Variants in SPAG16 observed in about 807,000 individuals in gnomAD.
The protein encoded by SPAG16 is sperm-associated antigen 16 protein.
SPAG16 carries 86 observed loss-of-function variants against 80.4 expected under a neutral mutation model. The observed-to-expected ratio is 1.07, with a 90% CI of 0.90 to 1.28. The LOEUF (loss-of-function observed/expected upper bound fraction) is 1.28. Ranked by LOEUF, SPAG16 falls within the 50% of genes most tolerant of loss-of-function variation. SPAG16 has a pLI of 0.00. For synonymous variants in SPAG16, 294 were observed against 265.9 expected (o/e 1.11, Z -1.03); for missense variants, 870 against 765.3 (o/e 1.14, Z -1.61).
chr2:213,409,830 T>TA (rs2068859307), intron 9 of SPAG16, among the ~76,000 whole-genome samples: 1 of 152,174 alleles, frequency 6.6e-6, no homozygotes, highest in South Asian at 2.1e-4. Flanking sequence ...CCAAGGACTA[T>TA]AAAGTCCTCT....
At chr2:213,917,253 A>C (rs1206602838) in intron 11 of SPAG16, among the ~76,000 whole-genome samples, 2 of 152,098 alleles carry the variant, frequency 1.3e-5, no homozygotes, top group Non-Finnish European at 2.9e-5. Flanking sequence ...TGCCTTAGCT[A>C]TTTGGGCTCT....
At chr2:213,964,416 G>C (rs1453832071) in intron 12 of SPAG16, among the ~76,000 whole-genome samples, 2 of 152,048 alleles carry the variant, frequency 1.3e-5, no homozygotes, top group Non-Finnish European at 2.9e-5. Context: ...AGGTTAGCTA[G>C]CAATAAATTC....
chr2:213,670,294 C>A (rs1356995291), intron 10 of SPAG16, among the ~76,000 whole-genome samples: 1 of 152,024 alleles, frequency 6.6e-6, no homozygotes, highest in Non-Finnish European at 1.5e-5. Flanking sequence ...CCGCGCCAGG[C>A]CAAGCATGTT....
At chr2:214,241,996 T>C (rs1689531190) in intron 15 of SPAG16, among the ~76,000 whole-genome samples, 1 of 152,200 alleles carries the variant, frequency 6.6e-6, no homozygotes, top group South Asian at 2.1e-4. Context: ...CTTAACATTC[T>C]CTTGCCTAGA....
At chr2:213,709,476 A>ATTATC (rs2065892155) in intron 10 of SPAG16, among the ~76,000 whole-genome samples, 1 of 152,202 alleles carries the variant, frequency 6.6e-6, no homozygotes, top group Non-Finnish European at 1.5e-5. Flanking sequence ...CAGTTAATCA[A>ATTATC]AGTTTTAAAT....
Position 213,835,001 on chromosome 2 carries a change from C to T in SPAG16, c.1071-27484C>T, listed in dbSNP as rs139483729. 8.1e-3 allele frequency among the ~76,000 whole-genome samples: 1,226 copies of T among 152,198 alleles called. 16 individuals carry two copies. Among genetic ancestry groups the T allele is most frequent in the African/African-American group, 0.028 (1,163 of 41,530 alleles). ...TTTTAGGTTGCAAAATATATTTGAACTCTATCCCAGTTTCCTGATCTCTGG... is the reference window on the plus strand; with the variant it reads ...TTTTAGGTTGCAAAATATATTTGAATTCTATCCCAGTTTCCTGATCTCTGG... On this transcript the variant is annotated intron_variant, in intron 10 of 15. Transcript: ENST00000331683.
intron 12 of SPAG16, among the ~76,000 whole-genome samples, chr2:213,975,853 G>A (rs2045344595): frequency 6.6e-6 from 1 of 151,788 alleles, no homozygotes; most frequent in Admixed American, 6.6e-5. Flanking sequence ...TTTTCACATG[G>A]TTTCTGAAGG....
chr2:214,386,342 T>G (rs2126117957), intron 15 of SPAG16, among the ~76,000 whole-genome samples: 1 of 152,172 alleles, frequency 6.6e-6, no homozygotes, highest in East Asian at 1.9e-4. Flanking sequence ...GATGTCACAG[T>G]GAGCCAAGAT....
chr2:213,319,642 G>T (rs1457440795), intron 5 of SPAG16, among the ~76,000 whole-genome samples: 7 of 151,912 alleles, frequency 4.6e-5, no homozygotes, highest in Non-Finnish European at 1.0e-4. Context: ...CTGGCACACT[G>T]TTTCAGTTCC....
At chr2:213,914,140 T>TA (rs1020084350) in intron 11 of SPAG16, among the ~76,000 whole-genome samples, 3 of 152,158 alleles carry the variant, frequency 2.0e-5, no homozygotes, top group African/African-American at 7.2e-5. Context: ...TTAAGTACCC[T>TA]AAAGAGATTT....
At chr2:213,377,895 ATATATATATTTTTT>A (rs756686392) in intron 9 of SPAG16, among the ~76,000 whole-genome samples, 2 of 49,372 alleles carry the variant, frequency 4.1e-5, no homozygotes, top group African/African-American at 9.4e-5. Context: ...ATATATATAT[ATATATATATTTTTT>A]TTTTTTTTTC....
intron 9 of SPAG16, among the ~76,000 whole-genome samples, chr2:213,392,695 AC>A (rs1316156631): frequency 6.6e-6 from 1 of 151,906 alleles, no homozygotes; most frequent in African/African-American, 2.4e-5. Flanking sequence ...AAATACAAAA[AC>A]ATTAGCCAGG....
intron 12 of SPAG16, 36 bp downstream of exon 12, chr2:213,930,181 C>T (rs1050674077): frequency 6.6e-7 from 1 of 1,524,604 alleles, no homozygotes; most frequent in Non-Finnish European, 8.9e-7. Context: ...ATCCTCTGTG[C>T]TGATACATAT....
intron 10 of SPAG16, among the ~76,000 whole-genome samples, chr2:213,510,552 C>G (rs1164133277): frequency 6.6e-6 from 1 of 152,024 alleles, no homozygotes; most frequent in Non-Finnish European, 1.5e-5. Flanking sequence ...ATATATTTGA[C>G]TCGGATATAT....
At chr2:213,781,246 T>A (rs2069944023) in intron 10 of SPAG16, among the ~76,000 whole-genome samples, 1 of 152,226 alleles carries the variant, frequency 6.6e-6, no homozygotes, top group South Asian at 2.1e-4. Flanking sequence ...TGTTAGTGTT[T>A]GTCTAAGTCT....
chr2:214,079,807 T>G (rs778103391), intron 13 of SPAG16, among the ~76,000 whole-genome samples: 9 of 152,206 alleles, frequency 5.9e-5, no homozygotes, highest in Admixed American at 1.3e-4. Context: ...TTTTTAAGTG[T>G]CTTCCCAACC....
intron 9 of SPAG16, among the ~76,000 whole-genome samples, chr2:213,488,453 A>G (rs550715344): frequency 4.6e-5 from 7 of 152,186 alleles, no homozygotes; most frequent in African/African-American, 7.2e-5. Flanking sequence ...GTGCAGATTT[A>G]TAGACCAAAA....
At chr2:213,454,952 T>C (rs1245350366) in intron 9 of SPAG16, among the ~76,000 whole-genome samples, 1 of 152,362 alleles carries the variant, frequency 6.6e-6, no homozygotes, top group Non-Finnish European at 1.5e-5. Flanking sequence ...TTCTATATCC[T>C]ATAGTTTTGT....
chr2:213,968,961 G>A (rs1385194221), intron 12 of SPAG16, among the ~76,000 whole-genome samples: 1 of 152,138 alleles, frequency 6.6e-6, no homozygotes, highest in Non-Finnish European at 1.5e-5. Context: ...TCCATACAAA[G>A]AGTCAGATAA....
Sources: gnomAD v4.1 joint callset for allele counts (sites outside exome capture counted in the v4.1 genomes callset) on GRCh38, gnomAD v4.1.1 for gene constraint, MANE v1.5 for transcripts, NCBI Gene and HGNC (gene_info 2026-07-23, HGNC 2026-07-21) for gene names.